PDE10A: variants seen among roughly 807,000 people sequenced by gnomAD.
The protein encoded by PDE10A is cAMP and cAMP-inhibited cGMP 3',5'-cyclic phosphodiesterase 10A.
In PDE10A, 39 loss-of-function variants were observed where a neutral mutation model predicts 97.7. The observed-to-expected ratio is 0.40, with a 90% CI of 0.31 to 0.52. The LOEUF is 0.52. Ranked by LOEUF, PDE10A falls within the 20% of genes least tolerant of loss-of-function variation. The probability of loss-of-function intolerance (pLI) is 0.56; values close to 1 mark genes in which losing one functional copy is unlikely to be tolerated. For missense variants in PDE10A, 731 were observed against 1,047.8 expected (o/e 0.70, Z 4.17); for synonymous variants, 371 against 376.8 (o/e 0.98, Z 0.18).
rs1321810719 is a variant in PDE10A at position 165,379,254 on chromosome 6, C to G, written c.2723G>C (p.Arg908Thr). 1 of 1,613,518 alleles carries G rather than the reference C, an allele frequency of 6.2e-7. No individual in the cohort carries two copies. Among genetic ancestry groups the G allele is most frequent in the Non-Finnish European group, 8.5e-7 (1 of 1,179,666 alleles). The stretch of plus-strand genomic sequence containing the variant: ...CTGGTACATCTCTTCCAACTGCTTC[C>G]TGTTTCCAAAGTATAAAGCAAGGTC... ...ATDLALYFGN[R>T]KQLEEMYQTG... Residue 908 changes from arginine to threonine, a missense_variant, in exon 18 of 22, where the codon AGG becomes ACG. Arg to Thr is a moderately conservative substitution (Grantham distance 71, BLOSUM62 -1). This residue lies in a region of PDE10A where 96 missense variants were observed against 156.7 expected (regional missense o/e 0.61). Coordinates refer to ENST00000539869, the MANE Select transcript of PDE10A (RefSeq NM_001385079.1).
intron 3 of PDE10A, among the ~76,000 whole-genome samples, chr6:165,455,021 C>T (rs1373504874): frequency 1.3e-5 from 2 of 152,158 alleles, no homozygotes; most frequent in Non-Finnish European, 2.9e-5. Context: ...CACAGATCTT[C>T]CTCCTGCCTT....
intron 2 of PDE10A, among the ~76,000 whole-genome samples, chr6:165,535,023 G>A (rs1309675828): frequency 1.3e-5 from 2 of 151,876 alleles, no homozygotes; most frequent in Non-Finnish European, 2.9e-5. Flanking sequence ...CAGATGACAC[G>A]ATCTTGTATT....
intron 1 of PDE10A, among the ~76,000 whole-genome samples, chr6:165,558,878 C>T (rs1784388301): frequency 6.6e-6 from 1 of 152,056 alleles, no homozygotes; most frequent in South Asian, 2.1e-4. Context: ...GTGCAGCACA[C>T]CAACATGGCA....
At chr6:165,927,593 A>G (rs1282690407) in intron 1 of PDE10A, among the ~76,000 whole-genome samples, 1 of 143,064 alleles carries the variant, frequency 7.0e-6, no homozygotes, top group Non-Finnish European at 1.5e-5. Flanking sequence ...TCTCTTGCTT[A>G]TATGTCTTTT....
intron 1 of PDE10A, among the ~76,000 whole-genome samples, chr6:165,547,510 GGT>G (rs10541551): frequency 0.16 from 23,774 of 152,042 alleles, 2,030 homozygotes; most frequent in African/African-American, 0.21. Context: ...ATTTAACACT[GGT>G]ACCTGAAGAT....
chr6:165,659,926 C>G (rs1790153097), intron 1 of PDE10A: 1 of 152,654 alleles, frequency 6.6e-6, no homozygotes, highest in African/African-American at 2.4e-5. Context: ...GCAGCACCAA[C>G]AGAAGCCCCA....
rs544896168 is a variant in PDE10A at position 165,534,367 on chromosome 6, T to C, written c.994+9073A>G. 5.3e-5 allele frequency among the ~76,000 whole-genome samples: 7 copies of C among 131,302 alleles called. No individual in the cohort carries two copies. In the South Asian group the frequency reaches 1.6e-3, roughly 31 times the overall value. 86.1% of individuals were successfully genotyped at this position (131,302 alleles called of 152,430 possible). A position where few individuals can be genotyped will look rare whatever the true frequency, so the allele number is the denominator to read the frequency against. The stretch of plus-strand genomic sequence containing the variant: ...AGTTTCATTGATGAATTTCCCAAAA[T>C]ACTTAAAGAAGAACCACCCCAATTC... On this transcript the variant is annotated intron_variant, in intron 2 of 21. Transcript: ENST00000539869.
chr6:165,491,838 G>A (rs1232246685), intron 2 of PDE10A, among the ~76,000 whole-genome samples: 1 of 150,986 alleles, frequency 6.6e-6, no homozygotes, highest in Non-Finnish European at 1.5e-5. Context: ...AAACCCAGCA[G>A]AAGAAAAGAA....
chr6:165,641,502 C>T (rs73024127), intron 1 of PDE10A, among the ~76,000 whole-genome samples: 2,206 of 152,210 alleles, frequency 0.014, 29 homozygotes, highest in Middle Eastern at 0.051. Context: ...AAAAGTTACA[C>T]TTCAGTAATC....
At position 165,662,078 on chromosome 6, in the gene PDE10A, G is replaced by A; in HGVS notation, c.734C>T (p.Pro245Leu). 1.5e-6 allele frequency: 2 copies of A among 1,309,760 alleles called. No homozygotes were observed. The highest frequency in any genetic ancestry group is 2.0e-6 in the Non-Finnish European group (2 of 1,016,678). 81.1% of individuals were successfully genotyped at this position (1,309,760 alleles called of 1,614,324 possible). A position where few individuals can be genotyped will look rare whatever the true frequency, so the allele number is the denominator to read the frequency against. ...GAGPGGGGQT[P>L]RRPQGASFAL... The stretch of plus-strand genomic sequence containing the variant: ...GAAGCTGGCGCCCTGGGGACGCCGC[G>A]GAGTTTGGCCGCCGCCGCCTGGGCC... Residue 245 changes from proline to leucine, a missense_variant, in exon 1 of 22, where the codon CCG becomes CTG. This residue lies in a region of PDE10A where 181 missense variants were observed against 159.1 expected (regional missense o/e 1.14). Coordinates refer to ENST00000539869, the MANE Select transcript of PDE10A (RefSeq NM_001385079.1).
At chr6:165,745,638 C>A (rs988457065) in intron 1 of PDE10A, among the ~76,000 whole-genome samples, 1 of 152,180 alleles carries the variant, frequency 6.6e-6, no homozygotes, top group Admixed American at 6.5e-5. Context: ...AAAACTCAAA[C>A]TTGGCTTATT....
intron 1 of PDE10A, among the ~76,000 whole-genome samples, chr6:165,635,040 T>C (rs766367944): frequency 1.2e-4 from 19 of 152,190 alleles, no homozygotes; most frequent in Non-Finnish European, 2.6e-4. Flanking sequence ...TAAAGATCCA[T>C]TTGCCTTAAT....
chr6:165,640,264 TTGCC>T (rs1393285592), intron 1 of PDE10A, among the ~76,000 whole-genome samples: 1 of 152,170 alleles, frequency 6.6e-6, no homozygotes, highest in African/African-American at 2.4e-5. Flanking sequence ...TTTTTAAAAA[TTGCC>T]TGCCTTTCTG....
chr6:165,759,848 C>T (rs1445944722), intron 1 of PDE10A, among the ~76,000 whole-genome samples: 1 of 152,174 alleles, frequency 6.6e-6, no homozygotes, highest in Non-Finnish European at 1.5e-5. Flanking sequence ...TACTGTCATA[C>T]TTTTCTCTTT....
At chr6:165,634,966 C>T (rs933700022) in intron 1 of PDE10A, among the ~76,000 whole-genome samples, 14 of 152,160 alleles carry the variant, frequency 9.2e-5, no homozygotes, top group Admixed American at 3.9e-4. Context: ...ATTTATATAG[C>T]GACCATCGCT....
At chr6:165,836,011 G>A (rs888670271) in intron 1 of PDE10A, among the ~76,000 whole-genome samples, 1 of 152,176 alleles carries the variant, frequency 6.6e-6, no homozygotes, top group Non-Finnish European at 1.5e-5. Context: ...TTCTATCGGG[G>A]AAAACATCAA....
intron 18 of PDE10A, among the ~76,000 whole-genome samples, chr6:165,375,995 G>A (rs996490633): frequency 1.3e-5 from 2 of 152,152 alleles, no homozygotes; most frequent in African/African-American, 4.8e-5. Flanking sequence ...AGCTCTGATG[G>A]ACATGCACAT....
chr6:165,435,866 G>A lies in PDE10A; in HGVS notation c.1195-489C>T, dbSNP rs976785161. Among the ~76,000 whole-genome samples, 23 of 151,982 alleles carry A rather than the reference G, an allele frequency of 1.5e-4. 1 individual carries two copies. Among genetic ancestry groups the A allele is most frequent in the Admixed American group, 1.2e-3 (18 of 15,258 alleles). On this transcript the variant is annotated intron_variant, in intron 5 of 21. Coordinates refer to ENST00000539869, the MANE Select transcript of PDE10A (RefSeq NM_001385079.1). ...TTCTAAGACTCACTCACATTACTTC[G>A]ACTGGCTAGTTTATAAAATTGCAGA...
chr6:165,491,099 G>C (rs1415131785), intron 2 of PDE10A, among the ~76,000 whole-genome samples: 1 of 152,180 alleles, frequency 6.6e-6, no homozygotes, highest in Non-Finnish European at 1.5e-5. Flanking sequence ...AGTGGCAGGA[G>C]TAGCTATTTT....
Sources: gnomAD v4.1 joint callset for allele counts (sites outside exome capture counted in the v4.1 genomes callset) on GRCh38, gnomAD v4.1.1 for gene constraint, gnomAD v4.1.1 regional missense constraint, MANE v1.5 for transcripts, NCBI Gene and HGNC (gene_info 2026-07-23, HGNC 2026-07-21) for gene names.